The following SPAG9 variants were observed in gnomAD, a reference collection of about 807,000 sequenced individuals.
The protein encoded by SPAG9 is C-Jun-amino-terminal kinase-interacting protein 4.
SPAG9 carries 35 observed loss-of-function variants against 166.5 expected under a neutral mutation model. That is an observed-to-expected ratio of 0.21 (90% CI 0.16 to 0.28). SPAG9 has a LOEUF of 0.28. Ranked by LOEUF, SPAG9 falls within the 10% of genes least tolerant of loss-of-function variation. The pLI is 1.00. For missense variants in SPAG9, 1,235 were observed against 1,603.3 expected (o/e 0.77, Z 3.92); for synonymous variants, 534 against 565.5 (o/e 0.94, Z 0.79).
chr17:51,047,059 T>C, intron 4 of SPAG9: 4 of 407,460 alleles, frequency 9.8e-6, no homozygotes, highest in Non-Finnish European at 1.3e-5. Flanking sequence ...TCAAACCAAT[T>C]ACACGGGAGA....
chr17:50,999,340 T>C, intron 14 of SPAG9: 3 of 685,690 alleles, frequency 4.4e-6, no homozygotes, highest in South Asian at 2.4e-5. Context: ...GAAACTTATT[T>C]AATGGGGATC....
At chr17:51,117,416 T>A (rs554926770) in intron 1 of SPAG9, among the ~76,000 whole-genome samples, 3 of 152,164 alleles carry the variant, frequency 2.0e-5, no homozygotes, top group Non-Finnish European at 4.4e-5. Context: ...GGTCTCCGCA[T>A]TAAAGACACA....
At chr17:51,012,817 G>A (rs193043232) in intron 9 of SPAG9, among the ~76,000 whole-genome samples, 2 of 151,152 alleles carry the variant, frequency 1.3e-5, no homozygotes, top group East Asian at 3.9e-4. Flanking sequence ...GTGCAACCCA[G>A]GCTCACTGCA....
intron 24 of SPAG9, among the ~76,000 whole-genome samples, 199 bp downstream of exon 24, chr17:50,984,724 T>G (rs111517699): frequency 1.3e-5 from 2 of 152,136 alleles, no homozygotes; most frequent in African/African-American, 2.4e-5. Flanking sequence ...AAAATGCCCA[T>G]TGTGGTAAAC....
intron 4 of SPAG9, 25 bp downstream of exon 4, chr17:51,047,350 A>C (rs752973518): frequency 1.5e-6 from 2 of 1,299,460 alleles, no homozygotes; most frequent in Non-Finnish European, 2.2e-6. Flanking sequence ...CTTTTTCTCA[A>C]GGCAAAATAT....
chr17:50,993,560 T>C (rs578146067), intron 19 of SPAG9, among the ~76,000 whole-genome samples: 2 of 152,312 alleles, frequency 1.3e-5, no homozygotes, highest in South Asian at 2.1e-4. Flanking sequence ...CATATTCCCA[T>C]TGTTTTATTT....
At chr17:50,968,712 CAG>C (rs1260752685) in intron 29 of SPAG9, among the ~76,000 whole-genome samples, 2 of 151,966 alleles carry the variant, frequency 1.3e-5, no homozygotes, top group Non-Finnish European at 2.9e-5. Flanking sequence ...GCCTGGGTGA[CAG>C]AGTGTGAGAC....
chr17:50,984,022 T>C (rs1214656107), intron 24 of SPAG9, among the ~76,000 whole-genome samples: 1 of 152,130 alleles, frequency 6.6e-6, no homozygotes, highest in Non-Finnish European at 1.5e-5. Context: ...AAATTCAGGG[T>C]ATCTATGTTT....
chr17:50,994,247 G>A (rs1391847833), intron 18 of SPAG9, among the ~76,000 whole-genome samples: 1 of 152,116 alleles, frequency 6.6e-6, no homozygotes, highest in Non-Finnish European at 1.5e-5. Flanking sequence ...TTTATTAGGG[G>A]TTTACACTTT....
intron 14 of SPAG9, 165 bp downstream of exon 14, chr17:50,999,496 T>TAAAAAA: frequency 7.7e-7 from 1 of 1,291,808 alleles, no homozygotes. Context: ...CACTATATAT[T>TAAAAAA]AAAAAAAAAA....
chr17:50,996,798 T>G, intron 15 of SPAG9, 104 bp from the exon 16 acceptor site: 1 of 1,102,158 alleles, frequency 9.1e-7, no homozygotes, highest in Non-Finnish European at 1.3e-6. Context: ...CAACAAAAAT[T>G]TACATGATTT....
At chr17:50,994,346 T>C (rs1975885501) in intron 18 of SPAG9, among the ~76,000 whole-genome samples, 1 of 152,196 alleles carries the variant, frequency 6.6e-6, no homozygotes. Context: ...AGAGGTTACC[T>C]ATGTAAGCCC....
chr17:50,993,742 G>T, intron 19 of SPAG9, 22 bp downstream of exon 19: 1 of 1,610,600 alleles, frequency 6.2e-7, no homozygotes, highest in Non-Finnish European at 8.5e-7. Flanking sequence ...GGAGGGCAGA[G>T]AAACGCATGA....
At chr17:51,096,386 T>C (rs2048649108) in intron 1 of SPAG9, among the ~76,000 whole-genome samples, 1 of 150,944 alleles carries the variant, frequency 6.6e-6, no homozygotes, top group Non-Finnish European at 1.5e-5. Context: ...AAAGAAGTGG[T>C]TTCAACCACA....
Position 51,005,194 on chromosome 17 carries a change from C to A in SPAG9, c.1476+18G>T, listed in dbSNP as rs761154787. 1 of 1,612,298 alleles carries A rather than the reference C, an allele frequency of 6.2e-7. No homozygotes were observed. Among genetic ancestry groups the A allele is most frequent in the Non-Finnish European group, 8.5e-7 (1 of 1,178,760 alleles). ...AACATGGTAAGGTAAGAAAAAAAGT[C>A]CAAAATTGTAAACCTACATCATCGT... On this transcript the variant is annotated intron_variant, in intron 12 of 29. Transcript: ENST00000262013.
At chr17:51,098,353 T>G (rs1411861371) in intron 1 of SPAG9, among the ~76,000 whole-genome samples, 1 of 151,852 alleles carries the variant, frequency 6.6e-6, no homozygotes, top group Non-Finnish European at 1.5e-5. Context: ...TAAGCAATGG[T>G]TTCTGAATTA....
chr17:50,978,904 CTG>C (rs1236449626), intron 26 of SPAG9, among the ~76,000 whole-genome samples: 7 of 152,068 alleles, frequency 4.6e-5, no homozygotes, highest in Non-Finnish European at 7.4e-5. Flanking sequence ...AGAGAACAGA[CTG>C]GGGTGGCAAC....
Position 51,031,693 on chromosome 17 carries a change from A to T in SPAG9, c.771T>A (p.Ala257=). 6.4e-7 allele frequency: 1 copy of T among 1,551,208 alleles called. No homozygotes were observed. The highest frequency in any genetic ancestry group is 1.4e-5 in the African/African-American group (1 of 73,168). The change falls in exon 6 of 30, where the codon GCT becomes GCA. Residue 257 remains alanine, a synonymous_variant. Coordinates refer to ENST00000262013, the MANE Select transcript of SPAG9 (RefSeq NM_001130528.3). ...KVSNSPEPQK[A]VEQEDELSDV... ...GCACCATTCTCACCTCCTGTTCTAC[A>T]GCCTTCTGAGGTTCAGGACTATTGC... is the stretch of plus-strand genomic sequence containing the variant.
At chr17:51,084,346 T>G (rs2048248694) in intron 1 of SPAG9, 1 of 152,094 alleles carries the variant, frequency 6.6e-6, no homozygotes, top group African/African-American at 2.4e-5. Context: ...AAAATGATGC[T>G]CCCTTGGCTA....
Sources: allele counts gnomAD v4.1 joint callset (sites outside exome capture counted in the v4.1 genomes callset), GRCh38; gene constraint gnomAD v4.1.1; transcripts MANE v1.5; gene names NCBI Gene and HGNC (gene_info 2026-07-23, HGNC 2026-07-21).